SYCE1: variants seen among roughly 807,000 people sequenced by gnomAD.
The protein encoded by SYCE1 is cancer/testis antigen 76.
A neutral mutation model predicts 55.1 loss-of-function variants in SYCE1; 37 were observed. The observed-to-expected ratio is 0.67, with a 90% CI of 0.52 to 0.88. SYCE1 has a LOEUF of 0.88. Ranked by LOEUF, SYCE1 falls within the 40% of genes least tolerant of loss-of-function variation. The pLI is 0.00. For synonymous variants in SYCE1, 163 were observed against 159.4 expected (o/e 1.02, Z -0.17); for missense variants, 399 against 416.4 (o/e 0.96, Z 0.36).
intron 5 of SYCE1, 91 bp downstream of exon 5, chr10:133,558,076 C>T: frequency 6.4e-7 from 1 of 1,571,492 alleles, no homozygotes; most frequent in Non-Finnish European, 8.7e-7. Context: ...CAAGCTGGGA[C>T]AGGTTTCAAA....
At chr10:133,554,608 A>G, downstream of SYCE1, 1 of 705,774 alleles carries the variant, frequency 1.4e-6, no homozygotes, top group Non-Finnish European at 2.6e-6. Flanking sequence ...GAACCGACTG[A>G]TTTTGAACCC....
chr10:133,558,824 A>G (rs1851751167), intron 4 of SYCE1, 53 bp downstream of exon 4: 3 of 1,567,244 alleles, frequency 1.9e-6, no homozygotes, highest in Non-Finnish European at 2.6e-6. Context: ...ATACAGGGTT[A>G]GGGGAGGCTT....
upstream of SYCE1, chr10:133,567,757 T>G: frequency 3.8e-6 from 1 of 261,040 alleles, no homozygotes. Flanking sequence ...CACCTCCCTT[T>G]GGGCGGCTCT....
rs1282156631 is a variant in SYCE1 at position 133,554,908 on chromosome 10, G to C, written c.*84C>G. 6.8e-7 allele frequency: 1 copy of C among 1,466,764 alleles called. No individual in the cohort carries two copies. The highest frequency in any genetic ancestry group is 1.4e-5 in the African/African-American group (1 of 70,218). 90.9% of individuals were successfully genotyped at this position (1,466,764 alleles called of 1,614,324 possible). On this transcript the variant is annotated 3_prime_UTR_variant, in exon 13 of 13. Transcript: ENST00000343131. Reference sequence around the variant, plus strand: ...TACCTCTGGCCCAGACCAAGAGGCAGAGTCAAGCCAAGGCTTCAATCAGTC... The same window carrying C: ...TACCTCTGGCCCAGACCAAGAGGCACAGTCAAGCCAAGGCTTCAATCAGTC...
At chr10:133,567,807 C>A, upstream of SYCE1, 1 of 360,410 alleles carries the variant, frequency 2.8e-6, no homozygotes, top group Non-Finnish European at 5.6e-6. Context: ...CCACAGGCCA[C>A]TGCCTTTTTG....
At chr10:133,555,270 C>A (rs1279632472) in intron 12 of SYCE1, 81 bp downstream of exon 12, 12 of 1,592,874 alleles carry the variant, frequency 7.5e-6, no homozygotes, top group Non-Finnish European at 5.2e-6. Flanking sequence ...AGTCCCAGGA[C>A]CCCCTCCCTT....
chr10:133,562,577 T>C (rs1169143500), intron 1 of SYCE1, among the ~76,000 whole-genome samples: 1 of 152,192 alleles, frequency 6.6e-6, no homozygotes, highest in Non-Finnish European at 1.5e-5. Context: ...CCCAAGAGTG[T>C]AAACACACAA....
At chr10:133,557,514 T>TA (rs1851715060) in intron 6 of SYCE1, 1 of 485,108 alleles carries the variant, frequency 2.1e-6, no homozygotes, top group Non-Finnish European at 3.7e-6. Flanking sequence ...GATGAAAAGA[T>TA]AATGGATGAA....
upstream of SYCE1, chr10:133,567,994 C>T (rs1851988010): frequency 1.7e-6 from 1 of 595,924 alleles, no homozygotes; most frequent in Non-Finnish European, 3.1e-6. Context: ...ACTGGGGCTC[C>T]AAGACTGTGG....
At chr10:133,555,561 TG>T (rs1341924594) in intron 11 of SYCE1, 35 bp downstream of exon 11, 1 of 1,601,834 alleles carries the variant, frequency 6.2e-7, no homozygotes, top group Admixed American at 1.7e-5. Flanking sequence ...GTCATCTTCC[TG>T]GTGGGGGTTG....
chr10:133,561,159 G>A (rs1166437127), intron 1 of SYCE1: 1 of 152,188 alleles, frequency 6.6e-6, no homozygotes, highest in Admixed American at 6.5e-5. Context: ...AGGACCTCCT[G>A]AGGCCGTGTC....
chr10:133,565,456 C>T lies in SYCE1; in HGVS notation c.73+1G>A, dbSNP rs1400852694. The T allele has an allele frequency of 6.5e-7, 1 of 1,548,262 alleles. No individual in the cohort carries two copies. Among genetic ancestry groups the T allele is most frequent in the Admixed American group, 2.0e-5 (1 of 50,734 alleles). The stretch of plus-strand genomic sequence containing the variant: ...CACAGTTCCCTGCCTCCCACCACTA[C>T]CTCCGGCCTTCTCAGCCCTGTCCAC... On this transcript the variant is annotated splice_donor_variant, in intron 1 of 12. Coordinates refer to ENST00000343131, the MANE Select transcript of SYCE1 (RefSeq NM_001143764.3). LOFTEE classifies it high-confidence loss of function.
upstream of SYCE1, chr10:133,568,163 G>A: frequency 4.3e-6 from 4 of 921,288 alleles, no homozygotes; most frequent in Non-Finnish European, 6.8e-6. Flanking sequence ...GCCGCCCGTG[G>A]GTCCAGCGCC....
downstream of SYCE1, chr10:133,554,511 C>T (rs552456712): frequency 1.1e-5 from 7 of 664,584 alleles, no homozygotes; most frequent in African/African-American, 8.8e-5. Context: ...GATTTCTATC[C>T]TCTTCCTGTC....
intron 1 of SYCE1, 86 bp downstream of exon 1, chr10:133,565,371 A>C (rs1393931379): frequency 5.6e-6 from 7 of 1,252,704 alleles, no homozygotes; most frequent in East Asian, 2.9e-5. Flanking sequence ...ACTGACAGGA[A>C]GAAGCAGCCG....
At position 133,555,392 on chromosome 10, in the gene SYCE1, C is replaced by A. The variant is rs201142410; in HGVS notation, c.877G>T (p.Ala293Ser). 1.4e-4 allele frequency: 232 copies of A among 1,614,096 alleles called. 1 individual carries two copies. Among genetic ancestry groups the A allele is most frequent in the Non-Finnish European group, 1.9e-4 (227 of 1,180,008 alleles). The change falls in exon 12 of 13, where the codon GCC becomes TCC. Residue 293 changes from alanine (A) to serine (S), a missense_variant. Ala to Ser is a moderately conservative substitution (Grantham distance 99). Transcript: ENST00000343131. ...GCCTCTTCCTCTTGTGTGCTCTGGG[C>A]TTGGGCAGGGACTTGCATTCCATGC... ...EKHGMQVPAQ[A>S]QSTQEEEAGP...
upstream of SYCE1, chr10:133,568,191 A>C (rs1278584530): frequency 9.5e-7 from 1 of 1,056,744 alleles, no homozygotes; most frequent in African/African-American, 1.5e-5. Context: ...CACGTACAGT[A>C]GCTGTAGATG....
upstream of SYCE1, chr10:133,568,107 GC>G: frequency 1.4e-6 from 1 of 730,806 alleles, no homozygotes; most frequent in South Asian, 1.5e-5. Flanking sequence ...GGCCGCAGCA[GC>G]CCCAGGGCAC....
chr10:133,567,960 G>A (rs761339344), upstream of SYCE1: 8 of 576,518 alleles, frequency 1.4e-5, no homozygotes, highest in Non-Finnish European at 2.6e-5. Flanking sequence ...GGGTCCACAG[G>A]GGCAGCCAGC....
Sources: allele counts gnomAD v4.1 joint callset (sites outside exome capture counted in the v4.1 genomes callset), GRCh38; gene constraint gnomAD v4.1.1; transcripts MANE v1.5; gene names NCBI Gene and HGNC (gene_info 2026-07-23, HGNC 2026-07-21).